TTC3: variants seen among roughly 807,000 people sequenced by gnomAD.
The protein encoded by TTC3 is tetratricopeptide repeat domain 3, also known as E3 ubiquitin-protein ligase TTC3.
A neutral mutation model predicts 249.6 loss-of-function variants in TTC3; 180 were observed. That is an observed-to-expected ratio of 0.72 (90% CI 0.64 to 0.82). TTC3 has a LOEUF of 0.82. TTC3 is among the 40% of genes least tolerant of loss of function. The pLI, the probability that TTC3 is intolerant of heterozygous loss-of-function variation, is 0.00. For missense variants in TTC3, 2,061 were observed against 2,398.4 expected (o/e 0.86, Z 2.94); for synonymous variants, 717 against 805.0 (o/e 0.89, Z 1.85).
intron 19 of TTC3, among the ~76,000 whole-genome samples, chr21:37,139,479 A>G: frequency 6.6e-6 from 1 of 152,170 alleles, no homozygotes; most frequent in East Asian, 1.9e-4. Flanking sequence ...AGTATAATAT[A>G]TAATTTGGTC....
exon 2 of TTC3, chr21:37,087,293 G>T: frequency 1.2e-6 from 2 of 1,613,400 alleles, no homozygotes; most frequent in Non-Finnish European, 8.5e-7. Flanking sequence ...TCACTGTGGC[G>T]GATTATGCCT....
At chr21:37,156,624 T>G (rs1256511753) in intron 27 of TTC3, 31 bp from the exon 28 acceptor site, 5 of 1,579,446 alleles carry the variant, frequency 3.2e-6, no homozygotes, top group African/African-American at 2.7e-5. Context: ...ATTTCCCTCC[T>G]CTTCTGATTT....
At chr21:37,115,764 G>A (rs2076090630) in intron 11 of TTC3, among the ~76,000 whole-genome samples, 1 of 152,230 alleles carries the variant, frequency 6.6e-6, no homozygotes, top group African/African-American at 2.4e-5. Flanking sequence ...CATCCTCACT[G>A]TTCCTCAGAC....
chr21:37,111,455 C>A (rs1197430312), intron 11 of TTC3, among the ~76,000 whole-genome samples: 1 of 151,668 alleles, frequency 6.6e-6, no homozygotes, highest in Non-Finnish European at 1.5e-5. Flanking sequence ...AGAGACAAGG[C>A]CATTACATAA....
intron 32 of TTC3, 69 bp from the exon 33 acceptor site, chr21:37,165,481 G>C: frequency 8.1e-7 from 1 of 1,237,190 alleles, no homozygotes; most frequent in Non-Finnish European, 1.1e-6. Flanking sequence ...GAGAATAAAA[G>C]TTTTTTTCAA....
intron 40 of TTC3, 97 bp downstream of exon 40, chr21:37,191,521 A>G: frequency 1.5e-6 from 1 of 658,878 alleles, no homozygotes; most frequent in South Asian, 3.3e-5. Flanking sequence ...TTTTTTATCT[A>G]TTATTATCAA....
At chr21:37,147,407 G>T in intron 21 of TTC3, 74 bp from the exon 22 acceptor site, 1 of 1,370,324 alleles carries the variant, frequency 7.3e-7, no homozygotes, top group East Asian at 2.6e-5. Context: ...ATGGCAAGAG[G>T]TTATTGAAAT....
At position 37,076,694 on chromosome 21, in the gene TTC3, ATTTTTTT is replaced by A. The variant is rs61629167; in HGVS notation, c.-12+3350_-12+3356del. Among the ~76,000 whole-genome samples the A allele has an allele frequency of 1.5e-3, 143 of 95,002 alleles. 1 individual carries two copies. The highest frequency in any genetic ancestry group is 5.2e-3 in the African/African-American group (111 of 21,230). The allele number at this position is 95,002 out of a possible 152,430, so 62.3% of individuals were successfully genotyped here. A position where few individuals can be genotyped will look rare whatever the true frequency, so the allele number is the denominator to read the frequency against. ...AAACTCCCTTGGGGAAAACAAAGGG[ATTTTTTT>A]TTTTTTTTTTTTTTTTTTTGAGTGA... On this transcript the variant is annotated intron_variant, in intron 1 of 45. Coordinates refer to ENST00000355666, the Ensembl canonical transcript of TTC3.
chr21:37,126,002 A>G, intron 14 of TTC3, 78 bp from the exon 15 acceptor site: 2 of 1,376,222 alleles, frequency 1.5e-6, no homozygotes, highest in South Asian at 2.6e-5. Context: ...TCTATTCTAA[A>G]TTCTTTTATA....
chr21:37,163,358 A>C (rs2080948209), intron 31 of TTC3, among the ~76,000 whole-genome samples: 1 of 152,166 alleles, frequency 6.6e-6, no homozygotes. Context: ...ATTTAAAAAA[A>C]ACTTTTGTTT....
At position 37,132,675 on chromosome 21, in the gene TTC3, CT is replaced by C; in HGVS notation, c.1359-3del. On this transcript the variant is annotated splice_polypyrimidine_tract_variant and splice_region_variant and intron_variant, in intron 16 of 45. Transcript: ENST00000355666. ...AATGATTTTTAAAAATGCTTTTTTT[CT>C]TTTAGTTCTAGTTCACCATTGACTT... 6.4e-7 allele frequency: 1 copy of C among 1,574,454 alleles called. No individual in the cohort carries two copies. Among genetic ancestry groups the C allele is most frequent in the South Asian group, 1.2e-5 (1 of 83,202 alleles).
intron 29 of TTC3, 62 bp downstream of exon 29, chr21:37,159,807 G>C: frequency 6.6e-7 from 1 of 1,517,072 alleles, no homozygotes; most frequent in African/African-American, 1.4e-5. Context: ...AGGATGAGAA[G>C]GGGACCCAGG....
intron 36 of TTC3, 141 bp from the exon 37 acceptor site, chr21:37,185,565 C>A (rs79740535): frequency 4.4e-6 from 2 of 454,270 alleles, no homozygotes; most frequent in Non-Finnish European, 7.6e-6. Context: ...TTAGAAGATA[C>A]TAAAAATGAA....
At chr21:37,191,278 G>GTT (rs1224206889) in intron 39 of TTC3, 56 bp from the exon 40 acceptor site, 1 of 1,219,268 alleles carries the variant, frequency 8.2e-7, no homozygotes, top group African/African-American at 1.6e-5. Context: ...TTATTTGACC[G>GTT]TAAGTGCTTT....
At chr21:37,104,780 C>T (rs2074913024) in intron 10 of TTC3, among the ~76,000 whole-genome samples, 1 of 152,146 alleles carries the variant, frequency 6.6e-6, no homozygotes, top group Non-Finnish European at 1.5e-5. Context: ...TTTTCTCAAC[C>T]TGGACTGCAC....
At chr21:37,103,788 G>A (rs1418689146) in intron 10 of TTC3, among the ~76,000 whole-genome samples, 3 of 152,274 alleles carry the variant, frequency 2.0e-5, no homozygotes, top group Non-Finnish European at 4.4e-5. Flanking sequence ...TGTTGCATTT[G>A]TGGAACTGAT....
intron 27 of TTC3, among the ~76,000 whole-genome samples, chr21:37,154,409 G>A (rs1286082540): frequency 6.6e-6 from 1 of 152,232 alleles, no homozygotes; most frequent in Non-Finnish European, 1.5e-5. Flanking sequence ...AGCTGAACAT[G>A]CCTGCTTTGA....
At chr21:37,084,756 A>G (rs1402147927) in intron 1 of TTC3, among the ~76,000 whole-genome samples, 1 of 152,188 alleles carries the variant, frequency 6.6e-6, no homozygotes, top group African/African-American at 2.4e-5. Context: ...GCACTTTGGG[A>G]GGCCGAGGCG....
chr21:37,180,089 G>C (rs2082619125), intron 35 of TTC3, among the ~76,000 whole-genome samples: 1 of 152,162 alleles, frequency 6.6e-6, no homozygotes, highest in Admixed American at 6.5e-5. Context: ...CTGGTCTTGT[G>C]GGGCGTTTCT....
Sources: allele counts gnomAD v4.1 joint callset (sites outside exome capture counted in the v4.1 genomes callset), GRCh38; gene constraint gnomAD v4.1.1; transcripts MANE v1.5; gene names NCBI Gene and HGNC (gene_info 2026-07-23, HGNC 2026-07-21).